Variants in EGFR observed in about 807,000 individuals in gnomAD.
EGFR encodes epidermal growth factor receptor, also known as avian erythroblastic leukemia viral (v-erb-b) oncogene homolog.
Under a neutral mutation model 143.0 loss-of-function variants are expected in EGFR, and 58 were observed. The observed-to-expected ratio is 0.41, with a 90% CI of 0.33 to 0.50. The LOEUF (loss-of-function observed/expected upper bound fraction) is 0.50. Among genes scored for constraint, EGFR ranks in the 20% least tolerant of loss-of-function variants. The pLI is 0.39. For synonymous variants in EGFR, 613 were observed against 594.4 expected, an observed-to-expected ratio of 1.03 and a Z score of -0.45; for missense variants, 1,307 against 1,579.0, an observed-to-expected ratio of 0.83 and a Z score of 2.92.
At chr7:55,138,377 TTAAAG>T (rs1280086341) in intron 1 of EGFR, among the ~76,000 whole-genome samples, 2 of 152,344 alleles carry the variant, frequency 1.3e-5, no homozygotes, top group East Asian at 3.9e-4. Flanking sequence ...ATGTATAGAC[TTAAAG>T]TAATATCAAC....
chr7:55,133,456 G>C (rs1373375020), intron 1 of EGFR, among the ~76,000 whole-genome samples: 4 of 152,234 alleles, frequency 2.6e-5, no homozygotes, highest in African/African-American at 9.6e-5. Context: ...GCACAGGGCA[G>C]TCTTGACTTT....
At chr7:55,078,476 G>C (rs188181022) in intron 1 of EGFR, among the ~76,000 whole-genome samples, 1 of 152,336 alleles carries the variant, frequency 6.6e-6, no homozygotes, top group African/African-American at 2.4e-5. Context: ...GGATGCCTCG[G>C]TGCATAGGGT....
chr7:55,045,461 T>C (rs1583901067), intron 1 of EGFR, among the ~76,000 whole-genome samples: 1 of 152,360 alleles, frequency 6.6e-6, no homozygotes, highest in Middle Eastern at 3.4e-3. Context: ...GTTTTCTCAC[T>C]TGTGAACAGA....
At chr7:55,111,398 T>C (rs1792480929) in intron 1 of EGFR, among the ~76,000 whole-genome samples, 1 of 151,950 alleles carries the variant, frequency 6.6e-6, no homozygotes, top group African/African-American at 2.4e-5. Flanking sequence ...CCTCACACCT[T>C]TTATTTATTA....
At chr7:55,101,492 A>C (rs1791823206) in intron 1 of EGFR, among the ~76,000 whole-genome samples, 1 of 152,138 alleles carries the variant, frequency 6.6e-6, no homozygotes, top group South Asian at 2.1e-4. Context: ...TGCTTTTTTT[A>C]ACCTGTCACG....
At chr7:55,028,692 T>C (rs1455607244) in intron 1 of EGFR, among the ~76,000 whole-genome samples, 1 of 152,180 alleles carries the variant, frequency 6.6e-6, no homozygotes, top group Non-Finnish European at 1.5e-5. Context: ...TTTAAGTTTG[T>C]TCTAGTGCTA....
rs55796214 is a variant in EGFR at position 55,205,287 on chromosome 7, C to G, written c.3303C>G (p.Pro1101=). 1.1e-4 allele frequency: 182 copies of G among 1,612,788 alleles called. No homozygotes were observed. Among genetic ancestry groups the G allele is most frequent in the Non-Finnish European group, 1.5e-4 (174 of 1,179,472 alleles). ...TAAACCAGTCCGTTCCCAAAAGGCC[C>G]GCTGGCTCTGTGCAGAATCCTGTCT... is the stretch of plus-strand genomic sequence containing the variant. ...EYINQSVPKR[P]AGSVQNPVYH... is the part of the protein sequence containing the mutation. The change falls in exon 28 of 28, where the codon CCC becomes CCG. Residue 1101 remains proline (P), a synonymous_variant. Coordinates refer to ENST00000275493, the MANE Select transcript of EGFR (RefSeq NM_005228.5).
intron 1 of EGFR, among the ~76,000 whole-genome samples, chr7:55,072,796 A>G (rs1002421815): frequency 6.6e-6 from 1 of 152,234 alleles, no homozygotes; most frequent in African/African-American, 2.4e-5. Context: ...AAGATAGTGC[A>G]GATGGAAAGA....
At chr7:55,146,472 T>C (rs1794766246) in intron 3 of EGFR, 134 bp from the exon 4 acceptor site, 1 of 1,428,698 alleles carries the variant, frequency 7.0e-7, no homozygotes, top group African/African-American at 1.4e-5. Flanking sequence ...GGAAGTTCAC[T>C]GGGCTAATTG....
rs537467917 is a variant in EGFR at position 55,173,262 on chromosome 7, G to T, written c.2061+138G>T. Reference sequence around the variant, plus strand: ...TGATGCAGAAAGAATCTCTGAATGTGCAGTTATACCCAGTTGGTGACATGT... The same window carrying T: ...TGATGCAGAAAGAATCTCTGAATGTTCAGTTATACCCAGTTGGTGACATGT... On this transcript the variant is annotated intron_variant, in intron 17 of 27. Transcript: ENST00000275493. 225 of 1,304,876 alleles carry T rather than the reference G, an allele frequency of 1.7e-4. 2 individuals carry two copies. Among genetic ancestry groups the T allele is most frequent in the Non-Finnish European group, 3.4e-5 (32 of 952,996 alleles). The allele number at this position is 1,304,876 out of a possible 1,614,324, so 80.8% of individuals were successfully genotyped here.
chr7:55,158,199 A>G (rs1785524482), intron 11 of EGFR, among the ~76,000 whole-genome samples: 1 of 152,222 alleles, frequency 6.6e-6, no homozygotes, highest in African/African-American at 2.4e-5. Flanking sequence ...GGGACCAGAG[A>G]GACTTTTTAG....
At chr7:55,036,269 T>TG (rs1562656982) in intron 1 of EGFR, among the ~76,000 whole-genome samples, 15 of 16,824 alleles carry the variant, frequency 8.9e-4, no homozygotes, top group Admixed American at 2.0e-3. Flanking sequence ...TTTGTGTGTG[T>TG]GTGGGGGGGG....
intron 1 of EGFR, among the ~76,000 whole-genome samples, chr7:55,036,583 AG>A (rs1787599963): frequency 6.6e-6 from 1 of 152,216 alleles, no homozygotes; most frequent in South Asian, 2.1e-4. Context: ...AAACCTACAG[AG>A]GAGGCTAAGA....
Position 55,161,480 on chromosome 7 carries a change from A to G in EGFR, c.1499-19A>G, listed in dbSNP as rs774649018. 4 of 1,612,086 alleles carry G rather than the reference A, an allele frequency of 2.5e-6. No individual in the cohort carries two copies. Among genetic ancestry groups the G allele is most frequent in the Non-Finnish European group, 3.4e-6 (4 of 1,179,500 alleles). Reference sequence around the variant, plus strand: ...CCCTGCTCTGTCACTGACTGCTGTGACCCACTCTGTCTCCGCAGAGGCCAC... The same window carrying G: ...CCCTGCTCTGTCACTGACTGCTGTGGCCCACTCTGTCTCCGCAGAGGCCAC... On this transcript the variant is annotated intron_variant, in intron 12 of 27. Coordinates refer to ENST00000275493, the MANE Select transcript of EGFR (RefSeq NM_005228.5).
In EGFR at chr7:55,093,466, C is replaced by T. The variant is rs140229197; in HGVS notation, c.89-48820C>T. 1.7e-3 allele frequency among the ~76,000 whole-genome samples: 260 copies of T among 152,184 alleles called. 1 individual carries two copies. The highest frequency in any genetic ancestry group is 3.1e-3 in the Non-Finnish European group (212 of 67,990). On this transcript the variant is annotated intron_variant, in intron 1 of 27. Coordinates refer to ENST00000275493, the MANE Select transcript of EGFR (RefSeq NM_005228.5). ...ATGAATGGCATGGTGACTGTGTGAGCGAATTCATGCCCTCCCTCCCCACCG... is the reference window on the plus strand; with the variant it reads ...ATGAATGGCATGGTGACTGTGTGAGTGAATTCATGCCCTCCCTCCCCACCG...
intron 22 of EGFR, among the ~76,000 whole-genome samples, chr7:55,198,018 T>A (rs1452953784): frequency 1.3e-5 from 2 of 152,198 alleles, no homozygotes; most frequent in African/African-American, 2.4e-5. Context: ...CCTCATAGAA[T>A]GAGTTAAGGA....
At chr7:55,047,270 G>T (rs1038234403) in intron 1 of EGFR, among the ~76,000 whole-genome samples, 3 of 152,184 alleles carry the variant, frequency 2.0e-5, no homozygotes, top group Admixed American at 6.5e-5. Context: ...AGCCCTGGGG[G>T]TATCACCCAG....
chr7:55,075,942 C>G (rs898597880), intron 1 of EGFR, among the ~76,000 whole-genome samples: 1 of 152,178 alleles, frequency 6.6e-6, no homozygotes, highest in African/African-American at 2.4e-5. Flanking sequence ...TACAAAGAGA[C>G]AAGCAAGCAC....
intron 1 of EGFR, among the ~76,000 whole-genome samples, chr7:55,119,800 G>T (rs35969369): frequency 1.8e-3 from 273 of 152,298 alleles, no homozygotes; most frequent in Non-Finnish European, 3.3e-3. Flanking sequence ...TCTATTGGAG[G>T]ACACATTCTG....
Sources: allele counts gnomAD v4.1 joint callset (sites outside exome capture counted in the v4.1 genomes callset), GRCh38; gene constraint gnomAD v4.1.1; transcripts MANE v1.5; gene names NCBI Gene and HGNC (gene_info 2026-07-23, HGNC 2026-07-21).